The following LILRA2 variants were observed in gnomAD, a reference collection of about 807,000 sequenced individuals.
LILRA2 encodes leukocyte immunoglobulin like receptor A2.
In LILRA2, 45 loss-of-function variants were observed where a neutral mutation model predicts 47.9. That is an observed-to-expected ratio of 0.94 (90% CI 0.74 to 1.20). The LOEUF (loss-of-function observed/expected upper bound fraction) is 1.20, where lower values mean the gene tolerates loss of function less well. Among genes scored for constraint, LILRA2 ranks in the 50% most tolerant of loss-of-function variants. The pLI, the probability that LILRA2 is intolerant of heterozygous loss-of-function variation, is 0.00. For synonymous variants in LILRA2, 279 were observed against 249.2 expected (o/e 1.12, Z -1.13); for missense variants, 651 against 598.2 (o/e 1.09, Z -0.92).
chr19:54,589,689 T>G lies in LILRA2; in HGVS notation c.*2343T>G, dbSNP rs2062893639. ...AGACTAATACACTCACCCCGTCTCC[T>G]TGTTCGGAGGCTCTCCTGCCTATCA... On this transcript the variant is annotated 3_prime_UTR_variant, in exon 8 of 8. Transcript: ENST00000391738. 1 of 151,684 alleles carries G rather than the reference T, an allele frequency of 6.6e-6. No individual in the cohort carries two copies. The highest frequency in any genetic ancestry group is 2.4e-5 in the African/African-American group (1 of 41,440). 9.4% of individuals were successfully genotyped at this position (151,684 alleles called of 1,614,324 possible).
At chr19:54,575,748 G>C (rs962024282) in intron 5 of LILRA2, 59 bp from the exon 6 acceptor site, 2 of 1,606,542 alleles carry the variant, frequency 1.2e-6, no homozygotes, top group East Asian at 4.5e-5. Flanking sequence ...GAGAGGCCTG[G>C]GGAGGTCTCA....
intron 6 of LILRA2, among the ~76,000 whole-genome samples, chr19:54,582,118 A>G (rs1413445480): frequency 6.6e-6 from 1 of 152,170 alleles, no homozygotes; most frequent in South Asian, 2.1e-4. Context: ...CATCCCAGGG[A>G]TGAAGCTGAC....
intron 6 of LILRA2, among the ~76,000 whole-genome samples, chr19:54,582,071 T>G (rs563958115): frequency 6.6e-6 from 1 of 152,322 alleles, no homozygotes; most frequent in East Asian, 1.9e-4. Flanking sequence ...ATGTGATGGA[T>G]TACATTTAGT....
At chr19:54,579,443 G>T (rs1196843906) in intron 6 of LILRA2, among the ~76,000 whole-genome samples, 1 of 152,010 alleles carries the variant, frequency 6.6e-6, no homozygotes, top group Non-Finnish European at 1.5e-5. Flanking sequence ...ATTTTTGAGG[G>T]CTCTGTTCTG....
rs1359692953 is a variant in LILRA2, at chr19:54,574,625, A to C, written c.352+43A>C. On this transcript the variant is annotated intron_variant, in intron 3 of 7. Transcript: ENST00000391738. ...AGTCCCAGCCCCAGGCTCTGCCCTC[A>C]GGAAGGGGGTCGGCTCTCAGGGGCA... The C allele has an allele frequency of 2.5e-6, 4 of 1,607,956 alleles. No homozygotes were observed. The African/African-American group carries it at 4.0e-5, about 16-fold the overall frequency.
chr19:54,573,994 CA>C, intron 1 of LILRA2, 81 bp from the exon 2 acceptor site: 1 of 1,613,404 alleles, frequency 6.2e-7, no homozygotes, highest in Non-Finnish European at 8.5e-7. Context: ...AAGGAGACCC[CA>C]GGGGCTCACA....
chr19:54,586,587 C>A (rs913711146), intron 6 of LILRA2, among the ~76,000 whole-genome samples: 1 of 152,264 alleles, frequency 6.6e-6, no homozygotes, highest in Admixed American at 6.5e-5. Flanking sequence ...AGCCTGGGTC[C>A]TCAGCTGGCG....
upstream of LILRA2, chr19:54,573,532 C>A: frequency 1.2e-6 from 1 of 851,750 alleles, no homozygotes; most frequent in Non-Finnish European, 1.9e-6. Context: ...CTCTGCTCAC[C>A]CTCATCTGGA....
At chr19:54,585,353 C>T (rs138998863) in intron 6 of LILRA2, among the ~76,000 whole-genome samples, 1,730 of 152,304 alleles carry the variant, frequency 0.011, 34 homozygotes, top group African/African-American at 0.039. Flanking sequence ...GCAGAAGCTA[C>T]CTGCTGCCCT....
chr19:54,575,792 C>A lies in LILRA2; in HGVS notation c.953-15C>A. On this transcript the variant is annotated splice_polypyrimidine_tract_variant and intron_variant, in intron 5 of 7. Coordinates refer to ENST00000391738, the MANE Select transcript of LILRA2 (RefSeq NM_001130917.3). ...CAAGGTGGGGCAGCCCCTCACCCATCCTTCTTCTCTCTAGGACAGTTCTAT... is the reference window on the plus strand; with the variant it reads ...CAAGGTGGGGCAGCCCCTCACCCATACTTCTTCTCTCTAGGACAGTTCTAT... The A allele has an allele frequency of 6.2e-7, 1 of 1,612,634 alleles. No homozygotes were observed. The highest frequency in any genetic ancestry group is 8.5e-7 in the Non-Finnish European group (1 of 1,179,386).
chr19:54,580,199 T>C (rs901888536), intron 6 of LILRA2, among the ~76,000 whole-genome samples: 5 of 140,168 alleles, frequency 3.6e-5, no homozygotes, highest in South Asian at 2.2e-4. Flanking sequence ...TTTCTTTTCT[T>C]TTTTTTTTTT....
Position 54,587,530 on chromosome 19 carries a change from T to G in LILRA2, c.*184T>G, listed in dbSNP as rs552021758. On this transcript the variant is annotated 3_prime_UTR_variant, in exon 8 of 8. Transcript: ENST00000391738. The stretch of plus-strand genomic sequence containing the variant: ...GTCTGGGGTGATTCCTAGAAGATCA[T>G]TAAACTGTGGTACATTTTTTTGTCT... 5.0e-5 allele frequency: 52 copies of G among 1,038,494 alleles called. No homozygotes were observed. The Admixed American group carries it at 1.1e-3, about 21-fold the overall frequency. 64.3% of individuals were successfully genotyped at this position (1,038,494 alleles called of 1,614,324 possible). A position where few individuals can be genotyped will look rare whatever the true frequency, so the allele number is the denominator to read the frequency against.
rs191789339 is a variant in LILRA2, at chr19:54,574,716, C to T, written c.353-15C>T. The T allele has an allele frequency of 1.7e-4, 275 of 1,613,102 alleles. 3 individuals are homozygous for T. The East Asian group carries it at 4.5e-3, about 26-fold the overall frequency. On this transcript the variant is annotated splice_polypyrimidine_tract_variant and intron_variant, in intron 3 of 7. Transcript: ENST00000391738. ...GTGGGAGCCCCATTTAACACAGTGC[C>T]TCCTTCTCTCCTAGGAGCCTACAGC...
At chr19:54,575,588 C>T in intron 5 of LILRA2, 36 bp downstream of exon 5, 1 of 1,607,556 alleles carries the variant, frequency 6.2e-7, no homozygotes, top group Non-Finnish European at 8.5e-7. Context: ...GGGACCCAGG[C>T]TCTGCACAGG....
chr19:54,573,158 C>CT (rs1042404945), upstream of LILRA2: 9 of 277,628 alleles, frequency 3.2e-5, no homozygotes, highest in Admixed American at 2.1e-4. Context: ...TAATTTTTTG[C>CT]TTTTTTTATA....
At chr19:54,574,666 C>A in intron 3 of LILRA2, 65 bp from the exon 4 acceptor site, 1 of 1,600,656 alleles carries the variant, frequency 6.2e-7, no homozygotes, top group Non-Finnish European at 8.5e-7. Flanking sequence ...GCTCTCACAG[C>A]TCAACCCTGG....
Position 54,589,211 on chromosome 19 carries a change from C to T in LILRA2, c.*1865C>T, listed in dbSNP as rs1031537334. The T allele has an allele frequency of 7.6e-6, 1 of 131,156 alleles. No homozygotes were observed. Among genetic ancestry groups the T allele is most frequent in the Admixed American group, 7.5e-5 (1 of 13,388 alleles). The allele number at this position is 131,156 out of a possible 1,614,324, so 8.1% of individuals were successfully genotyped here. ...CTTGATCATAACTTAAATGCATTTGCAAAGACTCTATTTCCAACTATGTTC... is the reference window on the plus strand; with the variant it reads ...CTTGATCATAACTTAAATGCATTTGTAAAGACTCTATTTCCAACTATGTTC... On this transcript the variant is annotated 3_prime_UTR_variant, in exon 8 of 8. Coordinates refer to ENST00000391738, the MANE Select transcript of LILRA2 (RefSeq NM_001130917.3).
upstream of LILRA2, chr19:54,573,307 T>C: frequency 1.6e-6 from 1 of 607,692 alleles, no homozygotes; most frequent in South Asian, 1.6e-5. Flanking sequence ...CTGTGCTCAC[T>C]GCCACACGCA....
Position 54,587,282 on chromosome 19 carries a change from T to C in LILRA2, c.1388T>C (p.Leu463Pro). The part of the protein sequence containing the change: ...MGVAGLVLVV[L>P]GILLFEAQHS... Reference sequence around the variant, plus strand: ...GTGGCTGGCTTGGTCCTGGTGGTCCTCGGGATTCTGCTATTTGAGGCTCAG... The same window carrying C: ...GTGGCTGGCTTGGTCCTGGTGGTCCCCGGGATTCTGCTATTTGAGGCTCAG... Residue 463 changes from leucine to proline, a missense_variant, in exon 8 of 8, where the codon CTC becomes CCC. Physicochemically the swap from Leu to Pro is moderately conservative, Grantham distance 98. Transcript: ENST00000391738. The C allele has an allele frequency of 3.7e-6, 6 of 1,614,110 alleles. No individual in the cohort carries two copies. Among genetic ancestry groups the C allele is most frequent in the Non-Finnish European group, 5.1e-6 (6 of 1,179,998 alleles).
Sources: allele counts gnomAD v4.1 joint callset (sites outside exome capture counted in the v4.1 genomes callset), GRCh38; gene constraint gnomAD v4.1.1; transcripts MANE v1.5; gene names NCBI Gene and HGNC (gene_info 2026-07-23, HGNC 2026-07-21).